The following AUTS2 variants were observed in gnomAD, a reference collection of about 807,000 sequenced individuals.
AUTS2 encodes autism susceptibility gene 2 protein.
A neutral mutation model predicts 112.4 loss-of-function variants in AUTS2; 17 were observed. The observed-to-expected ratio is 0.15, with a 90% CI of 0.10 to 0.23. The LOEUF is 0.23. Among genes scored for constraint, AUTS2 ranks in the 10% least tolerant of loss-of-function variants. The pLI is 1.00. For synonymous variants in AUTS2, 751 were observed against 702.7 expected (o/e 1.07, Z -1.09); for missense variants, 1,510 against 1,701.6 (o/e 0.89, Z 1.98).
At chr7:70,179,633 C>T (rs966715723) in intron 4 of AUTS2, among the ~76,000 whole-genome samples, 2 of 152,106 alleles carry the variant, frequency 1.3e-5, no homozygotes, top group African/African-American at 4.8e-5. Context: ...AGAGTGATTT[C>T]CCCAAAAACA....
At chr7:69,698,610 TA>T (rs1307158886) in intron 1 of AUTS2, among the ~76,000 whole-genome samples, 1 of 152,174 alleles carries the variant, frequency 6.6e-6, no homozygotes, top group Non-Finnish European at 1.5e-5. Flanking sequence ...TGGTCTGCTT[TA>T]ATGGCCTCAC....
chr7:70,447,265 G>A lies in AUTS2; in HGVS notation c.690+11484G>A, dbSNP rs369616952. ...TATACAGTCCTCACACCAACCCAAT[G>A]GAGTGTAGGCGTGATTACCTCCATT... is the stretch of plus-strand genomic sequence containing the variant. On this transcript the variant is annotated intron_variant, in intron 5 of 18. Transcript: ENST00000342771. Among the ~76,000 whole-genome samples, 26 of 152,270 alleles carry A rather than the reference G, an allele frequency of 1.7e-4. No individual in the cohort carries two copies. The South Asian group carries it at 5.2e-3, about 30-fold the overall frequency.
Position 70,781,609 on chromosome 7 carries a change from G to C in AUTS2, c.2005-6G>C. ...TGGGACCCTTACTGTTCCCCTTGCT[G>C]TGTAGAAACAGATGCAGTCAGACCC... On this transcript the variant is annotated splice_region_variant and splice_polypyrimidine_tract_variant and intron_variant, in intron 14 of 18. Transcript: ENST00000342771. 2 of 1,613,996 alleles carry C rather than the reference G, an allele frequency of 1.2e-6. No homozygotes were observed. Among genetic ancestry groups the C allele is most frequent in the Non-Finnish European group, 1.7e-6 (2 of 1,179,958 alleles).
intron 4 of AUTS2, among the ~76,000 whole-genome samples, chr7:70,259,379 A>ATTCAGATCTTAAAC (rs1787048691): frequency 6.6e-6 from 1 of 151,428 alleles, no homozygotes; most frequent in African/African-American, 2.4e-5. Context: ...AAACTTGATC[A>ATTCAGATCTTAAAC]TTGATATGTT....
chr7:69,930,238 C>T (rs944221056), intron 2 of AUTS2, among the ~76,000 whole-genome samples: 2 of 152,116 alleles, frequency 1.3e-5, no homozygotes, highest in African/African-American at 4.8e-5. Context: ...CCTTGAGTAG[C>T]GTCCCCCTGC....
At chr7:70,130,463 A>C (rs895838600) in intron 3 of AUTS2, among the ~76,000 whole-genome samples, 34 of 152,184 alleles carry the variant, frequency 2.2e-4, no homozygotes, top group Admixed American at 2.2e-3. Flanking sequence ...TGAGAAAAGG[A>C]GAACAAGTGT....
intron 4 of AUTS2, among the ~76,000 whole-genome samples, chr7:70,218,944 G>GA (rs199994485): frequency 1.9e-3 from 293 of 150,518 alleles, no homozygotes; most frequent in Admixed American, 3.4e-3. Context: ...TGATACTCAA[G>GA]AAAAAAAAAT....
intron 1 of AUTS2, among the ~76,000 whole-genome samples, chr7:69,677,881 A>G (rs776491503): frequency 2.0e-5 from 3 of 152,190 alleles, no homozygotes; most frequent in East Asian, 3.9e-4. Flanking sequence ...GGTGGTTTTT[A>G]TAAGTGCAGT....
chr7:70,596,024 T>G (rs952139590), intron 5 of AUTS2: 2 of 152,262 alleles, frequency 1.3e-5, no homozygotes, highest in African/African-American at 4.8e-5. Flanking sequence ...AATCCGCTGG[T>G]GCACTGCAGG....
Position 70,583,779 on chromosome 7 carries a change from GC to G in AUTS2, c.691-114789del, listed in dbSNP as rs540650620. Among the ~76,000 whole-genome samples, 546 of 152,178 alleles carry G rather than the reference GC, an allele frequency of 3.6e-3. 1 individual carries two copies. Among genetic ancestry groups the G allele is most frequent in the Non-Finnish European group, 5.2e-3 (355 of 67,974 alleles). On this transcript the variant is annotated intron_variant, in intron 5 of 18. Coordinates refer to ENST00000342771, the MANE Select transcript of AUTS2 (RefSeq NM_015570.4). ...GGCGAGCCTTTCTTTGTGGAAGAAA[GC>G]AAAAAAAACTGCCTTCTGTCCCTCT...
rs544245324 is a variant in AUTS2 at position 69,940,942 on chromosome 7, A to G, written c.522+41444A>G. ...TGTAACCAGACTGGAACATGAACAA[A>G]TTATCTGCAGTGGAGCTTATTTGCT... On this transcript the variant is annotated intron_variant, in intron 2 of 18. Coordinates refer to ENST00000342771, the MANE Select transcript of AUTS2 (RefSeq NM_015570.4). Among the ~76,000 whole-genome samples, 3 of 152,324 alleles carry G rather than the reference A, an allele frequency of 2.0e-5. No individual in the cohort carries two copies. The East Asian group carries it at 5.8e-4, about 29-fold the overall frequency.
chr7:70,747,800 C>CTTTATTTTAT (rs61458073), intron 6 of AUTS2, among the ~76,000 whole-genome samples: 1,473 of 146,290 alleles, frequency 0.01, 32 homozygotes, highest in African/African-American at 0.034. Context: ...GAGCTCATTT[C>CTTTATTTTAT]TTTATTTTAT....
At chr7:70,135,001 G>C (rs751770626) in intron 4 of AUTS2, among the ~76,000 whole-genome samples, 16 of 152,158 alleles carry the variant, frequency 1.1e-4, no homozygotes, top group Non-Finnish European at 2.1e-4. Flanking sequence ...GGAGGACGGG[G>C]AATGGAGATG....
intron 5 of AUTS2, among the ~76,000 whole-genome samples, chr7:70,606,346 T>TATTTAC (rs1803762096): frequency 6.7e-6 from 1 of 149,100 alleles, no homozygotes; most frequent in Non-Finnish European, 1.5e-5. Context: ...TTAATATTTG[T>TATTTAC]ATTTATATTT....
intron 2 of AUTS2, among the ~76,000 whole-genome samples, chr7:70,027,997 G>A (rs1584601900): frequency 6.6e-6 from 1 of 152,162 alleles, no homozygotes; most frequent in Admixed American, 6.5e-5. Flanking sequence ...TTTGTGGCTT[G>A]ATCTTGATGA....
chr7:70,729,141 CTT>C (rs1269898357), intron 6 of AUTS2: 2 of 456,412 alleles, frequency 4.4e-6, no homozygotes, highest in African/African-American at 4.0e-5. Flanking sequence ...CTCCATCACT[CTT>C]TTTCTCCTGG....
intron 4 of AUTS2, among the ~76,000 whole-genome samples, chr7:70,287,709 G>A (rs377661489): frequency 4.2e-4 from 64 of 151,748 alleles, no homozygotes; most frequent in African/African-American, 1.5e-3. Context: ...GTATATTTTT[G>A]CATAAAATAA....
intron 5 of AUTS2, among the ~76,000 whole-genome samples, chr7:70,606,039 A>G (rs1258732888): frequency 1.3e-5 from 2 of 152,228 alleles, no homozygotes; most frequent in African/African-American, 4.8e-5. Context: ...GGGCTTGCAG[A>G]AAATTCACTT....
At chr7:70,355,252 C>T (rs746183853) in intron 4 of AUTS2, among the ~76,000 whole-genome samples, 2 of 151,816 alleles carry the variant, frequency 1.3e-5, no homozygotes, top group East Asian at 1.9e-4. Context: ...TCCAGAAATC[C>T]GACAGAAAGT....
Sources: gnomAD v4.1 joint callset for allele counts (sites outside exome capture counted in the v4.1 genomes callset) on GRCh38, gnomAD v4.1.1 for gene constraint, MANE v1.5 for transcripts, NCBI Gene and HGNC (gene_info 2026-07-23, HGNC 2026-07-21) for gene names.